Variants in UGT1A8 observed in about 807,000 individuals in gnomAD.
The protein encoded by UGT1A8 is UDP glucuronosyltransferase family 1 member A8, also known as UDP-glucuronosyltransferase 1A8.
Under a neutral mutation model 45.3 loss-of-function variants are expected in UGT1A8, and 39 were observed. That is an observed-to-expected ratio of 0.86 (90% CI 0.67 to 1.12). The LOEUF (loss-of-function observed/expected upper bound fraction) is 1.12. Among genes scored for constraint, UGT1A8 ranks in the 50% most tolerant of loss-of-function variants. The pLI is 0.00. For missense variants in UGT1A8, 719 were observed against 664.9 expected (o/e 1.08, Z -0.90); for synonymous variants, 275 against 249.2 (o/e 1.10, Z -0.97).
At chr2:233,724,803 C>G (rs1387288842) in intron 1 of UGT1A8, among the ~76,000 whole-genome samples, 1 of 138,308 alleles carries the variant, frequency 7.2e-6, no homozygotes, top group Non-Finnish European at 1.5e-5. Flanking sequence ...GGGTGGCGGC[C>G]GGGCAGAGGC....
At chr2:233,754,937 G>A in intron 1 of UGT1A8, 1 of 1,338,066 alleles carries the variant, frequency 7.5e-7, no homozygotes, top group Non-Finnish European at 1.0e-6. Flanking sequence ...AGAGGTCAAA[G>A]GAGAATGGGT....
intron 1 of UGT1A8, among the ~76,000 whole-genome samples, chr2:233,698,748 A>G (rs12988520): frequency 6.6e-6 from 1 of 152,100 alleles, no homozygotes; most frequent in South Asian, 2.1e-4. Flanking sequence ...TTTTTACATA[A>G]TGCTATGATT....
chr2:233,649,205 CGTT>C (rs2073678812), intron 1 of UGT1A8, among the ~76,000 whole-genome samples: 1 of 152,086 alleles, frequency 6.6e-6, no homozygotes, highest in Admixed American at 6.6e-5. Flanking sequence ...ATAATGGCCT[CGTT>C]AATATGTATG....
At chr2:233,659,269 A>G (rs2073918015) in intron 1 of UGT1A8, among the ~76,000 whole-genome samples, 1 of 152,190 alleles carries the variant, frequency 6.6e-6, no homozygotes. Context: ...CCTCGCAGGT[A>G]GTCTAAAATC....
intron 1 of UGT1A8, chr2:233,690,657 C>G: frequency 7.8e-7 from 1 of 1,280,662 alleles, no homozygotes; most frequent in East Asian, 5.6e-5. Context: ...TCCTACAGCA[C>G]CAACCAGGGC....
chr2:233,644,795 G>T (rs959303928), intron 1 of UGT1A8, among the ~76,000 whole-genome samples: 1 of 151,974 alleles, frequency 6.6e-6, no homozygotes, highest in Non-Finnish European at 1.5e-5. Context: ...TTTCTTCAGT[G>T]TCTCTGAGTT....
intron 1 of UGT1A8, chr2:233,682,452 T>C (rs1214292912): frequency 1.2e-6 from 2 of 1,613,934 alleles, no homozygotes; most frequent in Non-Finnish European, 1.7e-6. Context: ...GCCAGGGGAA[T>C]ATTTTGCCAC....
intron 1 of UGT1A8, among the ~76,000 whole-genome samples, chr2:233,666,370 A>G (rs935740750): frequency 2.6e-5 from 4 of 152,184 alleles, no homozygotes; most frequent in African/African-American, 9.6e-5. Context: ...GATATGCTCA[A>G]TCTTTTTCAT....
chr2:233,729,337 G>C (rs775234844), intron 1 of UGT1A8: 11 of 1,614,232 alleles, frequency 6.8e-6, no homozygotes, highest in African/African-American at 5.3e-5. Context: ...GCACATCAAA[G>C]AAGAGAACTT....
chr2:233,693,613 G>C (rs771123027), intron 1 of UGT1A8: 1 of 1,614,196 alleles, frequency 6.2e-7, no homozygotes, highest in South Asian at 1.1e-5. Flanking sequence ...CAGACCACAT[G>C]ACTTTTTCCC....
chr2:233,760,441 C>T (rs2125984132), intron 1 of UGT1A8: 2 of 1,614,208 alleles, frequency 1.2e-6, no homozygotes, highest in Non-Finnish European at 1.7e-6. Flanking sequence ...GCAGCTGCAG[C>T]AGAGGGGACA....
chr2:233,636,940 A>T, intron 1 of UGT1A8: 3 of 1,613,952 alleles, frequency 1.9e-6, no homozygotes, highest in Non-Finnish European at 2.5e-6. Context: ...CTTAAAGGAG[A>T]GTTCTTTTGA....
chr2:233,629,927 G>A (rs1374067960), intron 1 of UGT1A8, among the ~76,000 whole-genome samples: 1 of 151,960 alleles, frequency 6.6e-6, no homozygotes, highest in African/African-American at 2.4e-5. Context: ...ACTTGTTCAT[G>A]TTATTCTCTT....
chr2:233,728,016 G>A (rs912712884), intron 1 of UGT1A8, among the ~76,000 whole-genome samples: 1 of 152,236 alleles, frequency 6.6e-6, no homozygotes, highest in African/African-American at 2.4e-5. Flanking sequence ...GCACATGTGG[G>A]AGTGACTTTC....
intron 1 of UGT1A8, among the ~76,000 whole-genome samples, chr2:233,704,666 G>C (rs572399791): frequency 6.6e-6 from 1 of 151,938 alleles, no homozygotes; most frequent in Non-Finnish European, 1.5e-5. Flanking sequence ...CTTTTCCTTT[G>C]TTCTTATGGA....
intron 1 of UGT1A8, chr2:233,743,993 G>C: frequency 7.9e-7 from 1 of 1,258,672 alleles, no homozygotes; most frequent in Non-Finnish European, 1.0e-6. Context: ...GCAGGCCCGA[G>C]TGCTCGGAGA....
intron 1 of UGT1A8, among the ~76,000 whole-genome samples, chr2:233,686,265 T>C (rs1311143668): frequency 1.3e-5 from 2 of 152,054 alleles, no homozygotes; most frequent in Non-Finnish European, 2.9e-5. Context: ...TTTTTTCTTG[T>C]ACCAAAAGTA....
chr2:233,645,135 G>C (rs951984234), intron 1 of UGT1A8, among the ~76,000 whole-genome samples: 2 of 152,076 alleles, frequency 1.3e-5, no homozygotes, highest in Non-Finnish European at 2.9e-5. Flanking sequence ...CTGCCTTCAG[G>C]GACAAAGCAT....
At chr2:233,725,753 T>TA (rs1238799010) in intron 1 of UGT1A8, among the ~76,000 whole-genome samples, 1 of 152,188 alleles carries the variant, frequency 6.6e-6, no homozygotes, top group Non-Finnish European at 1.5e-5. Context: ...GTAAGAGACT[T>TA]ACATTTTCTT....
Sources: allele counts gnomAD v4.1 joint callset (sites outside exome capture counted in the v4.1 genomes callset), GRCh38; gene constraint gnomAD v4.1.1; transcripts MANE v1.5; gene names NCBI Gene and HGNC (gene_info 2026-07-23, HGNC 2026-07-21).